Variants in MAGI1 observed in about 807,000 individuals in gnomAD.
The protein encoded by MAGI1 is membrane-associated guanylate kinase, WW and PDZ domain-containing protein 1.
In MAGI1, 58 loss-of-function variants were observed where a neutral mutation model predicts 139.9. That is an observed-to-expected ratio of 0.41 (90% CI 0.34 to 0.52). The LOEUF is 0.52. Among genes scored for constraint, MAGI1 ranks in the 20% least tolerant of loss-of-function variants. The probability of loss-of-function intolerance (pLI) is 0.12; values close to 1 mark genes in which losing one functional copy is unlikely to be tolerated. For missense variants in MAGI1, 1,874 were observed against 1,901.6 expected (o/e 0.99, Z 0.27); for synonymous variants, 812 against 737.9 (o/e 1.10, Z -1.63).
intron 1 of MAGI1, among the ~76,000 whole-genome samples, chr3:65,941,454 T>C (rs758289024): frequency 1.3e-3 from 204 of 152,312 alleles, no homozygotes; most frequent in Middle Eastern, 3.4e-3. Flanking sequence ...TTGGTACTAT[T>C]GACATTTGGC....
At chr3:65,979,367 T>G (rs1194855546) in intron 1 of MAGI1, among the ~76,000 whole-genome samples, 1 of 152,170 alleles carries the variant, frequency 6.6e-6, no homozygotes, top group Non-Finnish European at 1.5e-5. Context: ...AAATTCCGTT[T>G]CCTTCAGGAG....
At chr3:65,748,073 T>C (rs1370529555) in intron 1 of MAGI1, among the ~76,000 whole-genome samples, 1 of 152,180 alleles carries the variant, frequency 6.6e-6, no homozygotes, top group African/African-American at 2.4e-5. Context: ...CCGAAACTGA[T>C]GATAGCTAAG....
chr3:65,383,453 T>G, intron 15 of MAGI1, 79 bp downstream of exon 15: 2 of 1,018,916 alleles, frequency 2.0e-6, no homozygotes, highest in Non-Finnish European at 3.1e-6. Context: ...ACTTAAATCT[T>G]GGTGATTTGT....
At chr3:65,554,762 C>A (rs574141644) in intron 2 of MAGI1, among the ~76,000 whole-genome samples, 3 of 152,334 alleles carry the variant, frequency 2.0e-5, no homozygotes, top group South Asian at 4.1e-4. Context: ...CTGATTTAAA[C>A]TGAAGGGCAT....
intron 2 of MAGI1, among the ~76,000 whole-genome samples, chr3:65,575,756 T>C (rs2081148882): frequency 6.6e-6 from 1 of 152,200 alleles, no homozygotes; most frequent in South Asian, 2.1e-4. Context: ...TAGTGAATGA[T>C]GTATAATTCA....
At chr3:65,684,797 G>T (rs752703079) in intron 1 of MAGI1, among the ~76,000 whole-genome samples, 18 of 150,942 alleles carry the variant, frequency 1.2e-4, no homozygotes, top group Non-Finnish European at 2.4e-4. Flanking sequence ...AACCTCCCAG[G>T]CTCAAGCAAT....
chr3:65,618,341 T>C (rs1275694237), intron 2 of MAGI1, among the ~76,000 whole-genome samples: 2 of 152,086 alleles, frequency 1.3e-5, no homozygotes, highest in Non-Finnish European at 2.9e-5. Context: ...AAAGAAAAGA[T>C]CTAATGGAAA....
chr3:65,523,659 T>C (rs939824253), intron 2 of MAGI1, among the ~76,000 whole-genome samples: 3 of 152,136 alleles, frequency 2.0e-5, no homozygotes, highest in Non-Finnish European at 2.9e-5. Context: ...TCAAACAATT[T>C]TGTTTGCCTC....
chr3:65,362,025 C>T (rs543687592), intron 21 of MAGI1, among the ~76,000 whole-genome samples: 22 of 152,298 alleles, frequency 1.4e-4, no homozygotes, highest in African/African-American at 4.6e-4. Flanking sequence ...ATAAATAAGA[C>T]GAGGCAGATC....
In MAGI1 at chr3:65,593,362, G is replaced by A. The variant is rs1225763148; in HGVS notation, c.430+28610C>T. On this transcript the variant is annotated intron_variant, in intron 2 of 22. Transcript: ENST00000402939. ...ATTGTGGCAAAGAAATATACCCAGTGCAATAATTCAGATGCAAGGACTAGT... is the reference window on the plus strand; with the variant it reads ...ATTGTGGCAAAGAAATATACCCAGTACAATAATTCAGATGCAAGGACTAGT... Among the ~76,000 whole-genome samples the A allele has an allele frequency of 2.0e-5, 3 of 152,114 alleles. No individual in the cohort carries two copies. The East Asian group carries it at 5.8e-4, about 29-fold the overall frequency.
intron 2 of MAGI1, among the ~76,000 whole-genome samples, chr3:65,540,201 G>A (rs1043422522): frequency 5.3e-5 from 8 of 152,056 alleles, no homozygotes; most frequent in African/African-American, 1.4e-4. Flanking sequence ...AGAAATATTC[G>A]AGATCAGTAA....
At chr3:65,503,078 C>G (rs1200310568) in intron 2 of MAGI1, among the ~76,000 whole-genome samples, 3 of 152,144 alleles carry the variant, frequency 2.0e-5, no homozygotes, top group African/African-American at 7.2e-5. Flanking sequence ...GCCCCCTCCC[C>G]ACTCCCAGGT....
chr3:66,026,991 T>C (rs932500042), intron 1 of MAGI1, among the ~76,000 whole-genome samples: 1 of 151,616 alleles, frequency 6.6e-6, no homozygotes, highest in East Asian at 2.0e-4. Flanking sequence ...GAGGACCGGC[T>C]GGGCGCGGTG....
intron 1 of MAGI1, among the ~76,000 whole-genome samples, chr3:65,876,455 AGT>A (rs1418768738): frequency 1.3e-5 from 2 of 152,202 alleles, no homozygotes; most frequent in Non-Finnish European, 2.9e-5. Context: ...ACGGGAAAAA[AGT>A]GTGGGTTTTA....
intron 1 of MAGI1, among the ~76,000 whole-genome samples, chr3:66,036,639 G>C (rs962167308): frequency 4.6e-5 from 7 of 152,204 alleles, no homozygotes; most frequent in African/African-American, 1.7e-4. Flanking sequence ...GGCCAGGCGA[G>C]TCGGCCGCCC....
intron 1 of MAGI1, among the ~76,000 whole-genome samples, chr3:65,823,676 T>A (rs1011144049): frequency 1.5e-4 from 23 of 152,230 alleles, no homozygotes; most frequent in African/African-American, 5.5e-4. Flanking sequence ...TAATCTCTAT[T>A]TTTATGAGAA....
At chr3:65,871,604 C>A (rs2059941492) in intron 1 of MAGI1, among the ~76,000 whole-genome samples, 1 of 152,208 alleles carries the variant, frequency 6.6e-6, no homozygotes, top group African/African-American at 2.4e-5. Context: ...CAGCTGGAAA[C>A]ACAGCAGGTG....
intron 1 of MAGI1, among the ~76,000 whole-genome samples, chr3:65,887,897 C>T (rs2060594524): frequency 6.6e-6 from 1 of 152,134 alleles, no homozygotes; most frequent in Non-Finnish European, 1.5e-5. Flanking sequence ...TGATCATGCA[C>T]ATAAAACAAA....
chr3:65,921,783 G>C (rs779178482), intron 1 of MAGI1, among the ~76,000 whole-genome samples: 23 of 152,036 alleles, frequency 1.5e-4, no homozygotes, highest in Non-Finnish European at 4.4e-5. Flanking sequence ...GCTAGTAAAA[G>C]TTAAAGGAAC....
Sources: gnomAD v4.1 joint callset for allele counts (sites outside exome capture counted in the v4.1 genomes callset) on GRCh38, gnomAD v4.1.1 for gene constraint, MANE v1.5 for transcripts, NCBI Gene and HGNC (gene_info 2026-07-23, HGNC 2026-07-21) for gene names.